The following NEDD4 variants were observed in gnomAD, a reference collection of about 807,000 sequenced individuals.
NEDD4 encodes the protein NEDD4 E3 ubiquitin protein ligase, also known as E3 ubiquitin-protein ligase NEDD4.
Under a neutral mutation model 144.9 loss-of-function variants are expected in NEDD4, and 99 were observed. The ratio of observed to expected loss-of-function variants is 0.68; its 90% CI spans 0.58 to 0.81. The LOEUF (loss-of-function observed/expected upper bound fraction) is 0.81, where lower values mean the gene tolerates loss of function less well. Ranked by LOEUF, NEDD4 falls within the 30% of genes least tolerant of loss-of-function variation. The pLI is 0.00. For synonymous variants in NEDD4, 318 were observed against 350.6 expected (o/e 0.91, Z 1.04); for missense variants, 985 against 1,065.9 (o/e 0.92, Z 1.06).
intron 1 of NEDD4, among the ~76,000 whole-genome samples, chr15:55,984,342 T>G (rs1211065541): frequency 2.0e-5 from 3 of 152,216 alleles, no homozygotes; most frequent in Admixed American, 6.5e-5. Flanking sequence ...AGAAGGTTCT[T>G]GAACAAATCA....
At chr15:55,988,240 C>T (rs1301747648) in intron 1 of NEDD4, among the ~76,000 whole-genome samples, 8 of 125,900 alleles carry the variant, frequency 6.4e-5, no homozygotes, top group Non-Finnish European at 1.1e-4. Context: ...AACCAAACAC[C>T]GCATATTCTC....
intron 5 of NEDD4, among the ~76,000 whole-genome samples, chr15:55,912,652 A>G (rs1183245121): frequency 6.6e-6 from 1 of 152,156 alleles, no homozygotes; most frequent in African/African-American, 2.4e-5. Flanking sequence ...AGTAACTACT[A>G]TACAGATTTA....
chr15:55,944,516 C>T (rs2142284129), intron 4 of NEDD4, among the ~76,000 whole-genome samples: 1 of 152,356 alleles, frequency 6.6e-6, no homozygotes, highest in Admixed American at 6.5e-5. Context: ...CACCTCAGCT[C>T]ATCAAGGCCT....
chr15:55,966,444 A>T, intron 2 of NEDD4, 29 bp downstream of exon 2: 1 of 1,388,660 alleles, frequency 7.2e-7, no homozygotes, highest in Non-Finnish European at 9.7e-7. Context: ...GCAAAGTTTT[A>T]AAATTATAAT....
chr15:55,841,236 C>A (rs2033489055), intron 19 of NEDD4, among the ~76,000 whole-genome samples: 1 of 152,090 alleles, frequency 6.6e-6, no homozygotes. Flanking sequence ...CCAGCCTAAA[C>A]AAAGCATTAT....
chr15:55,862,955 T>C lies in NEDD4; in HGVS notation c.632A>G (p.Asn211Ser). 6.2e-7 allele frequency: 1 copy of C among 1,610,202 alleles called. No individual in the cohort carries two copies. Among genetic ancestry groups the C allele is most frequent in the Non-Finnish European group, 8.5e-7 (1 of 1,177,372 alleles). ...CCACTGTGTTCTTCTAGATTCATGGTTTACATAATAGGTCCTTCCAAGGAT... is the reference window on the plus strand; with the variant it reads ...CCACTGTGTTCTTCTAGATTCATGGCTTACATAATAGGTCCTTCCAAGGAT... ...QDILGRTYYV[N>S]HESRRTQWKR... The change falls in exon 9 of 29, where the codon AAC (asparagine) becomes AGC (serine). Residue 211 changes from asparagine to serine, a missense_variant. Physicochemically the swap from Asn to Ser is conservative, Grantham distance 46. Transcript: ENST00000435532.
At chr15:55,926,270 C>A (rs1223814755) in intron 4 of NEDD4, among the ~76,000 whole-genome samples, 1 of 152,080 alleles carries the variant, frequency 6.6e-6, no homozygotes, top group Non-Finnish European at 1.5e-5. Context: ...ACCAATGAAG[C>A]CAACCTAGTG....
At chr15:55,983,335 T>G (rs1380280617) in intron 1 of NEDD4, among the ~76,000 whole-genome samples, 2 of 152,238 alleles carry the variant, frequency 1.3e-5, no homozygotes, top group Non-Finnish European at 2.9e-5. Context: ...ATTTCCATGC[T>G]ACTTGGTATA....
intron 5 of NEDD4, chr15:55,916,699 T>TA: frequency 6.2e-7 from 1 of 1,614,062 alleles, no homozygotes; most frequent in Non-Finnish European, 8.5e-7. Context: ...TGAACAACGT[T>TA]AGACGTTGAA....
rs1283352714 is a variant in NEDD4, at chr15:55,830,671, C to T, written c.2528-85G>A. ...AAACTTTTTCTAGTGTACACTAGTT[C>T]CTACACACACACAGGGAACTAATCT... On this transcript the variant is annotated intron_variant, in intron 27 of 28. Transcript: ENST00000435532. 4.1e-6 allele frequency: 4 copies of T among 978,756 alleles called. No homozygotes were observed. The African/African-American group carries it at 4.8e-5, about 12-fold the overall frequency. 60.6% of individuals were successfully genotyped at this position (978,756 alleles called of 1,614,324 possible).
intron 2 of NEDD4, among the ~76,000 whole-genome samples, chr15:55,960,434 G>T (rs760032310): frequency 6.6e-6 from 1 of 152,094 alleles, no homozygotes; most frequent in South Asian, 2.1e-4. Context: ...TCCTGCCCTC[G>T]AACATCAGAC....
At chr15:55,846,856 TTCAC>T in intron 18 of NEDD4, 109 bp downstream of exon 18, 4 of 588,534 alleles carry the variant, frequency 6.8e-6, no homozygotes, top group Non-Finnish European at 1.2e-5. Flanking sequence ...GGAAAAACTG[TTCAC>T]TCAAAGTTGT....
chr15:55,962,147 A>C (rs1332504990), intron 2 of NEDD4, among the ~76,000 whole-genome samples: 5 of 152,268 alleles, frequency 3.3e-5, no homozygotes, highest in Non-Finnish European at 7.3e-5. Flanking sequence ...AATGTTTGAA[A>C]ATTTTTGTGT....
intron 5 of NEDD4, among the ~76,000 whole-genome samples, chr15:55,899,536 T>A (rs1466372996): frequency 5.3e-5 from 8 of 152,208 alleles, no homozygotes; most frequent in Non-Finnish European, 1.2e-4. Context: ...AAAACCAGTA[T>A]TTTCTTGCTT....
chr15:55,983,268 TTGA>T (rs1339979003), intron 1 of NEDD4, among the ~76,000 whole-genome samples: 108 of 142,508 alleles, frequency 7.6e-4, no homozygotes, highest in African/African-American at 2.4e-3. Context: ...AAAAATAATG[TTGA>T]TGATGACGAC....
chr15:55,869,889 A>AACTAAATAAATC (rs1566922535), intron 7 of NEDD4, among the ~76,000 whole-genome samples: 1 of 149,872 alleles, frequency 6.7e-6, no homozygotes, highest in African/African-American at 2.4e-5. Flanking sequence ...ATAAATAAAT[A>AACTAAATAAATC]AATAATTGTT....
intron 1 of NEDD4, among the ~76,000 whole-genome samples, chr15:55,990,516 G>C (rs543700101): frequency 6.6e-6 from 1 of 152,192 alleles, no homozygotes; most frequent in Non-Finnish European, 1.5e-5. Flanking sequence ...CAAGTTACCA[G>C]ATACTGGAAT....
intron 6 of NEDD4, among the ~76,000 whole-genome samples, chr15:55,873,450 C>T (rs896373511): frequency 4.6e-5 from 7 of 151,982 alleles, no homozygotes; most frequent in African/African-American, 1.5e-4. Flanking sequence ...ACAAGAGACG[C>T]CACTCTTATC....
chr15:55,900,575 T>TA (rs1299188959), intron 5 of NEDD4, among the ~76,000 whole-genome samples: 3 of 152,100 alleles, frequency 2.0e-5, no homozygotes, highest in African/African-American at 2.4e-5. Flanking sequence ...TTCAGAAGGT[T>TA]AAAAAATATC....
Sources: allele counts gnomAD v4.1 joint callset (sites outside exome capture counted in the v4.1 genomes callset), GRCh38; gene constraint gnomAD v4.1.1; transcripts MANE v1.5; gene names NCBI Gene and HGNC (gene_info 2026-07-23, HGNC 2026-07-21).